The following STK32A variants were observed in gnomAD, a reference collection of about 807,000 sequenced individuals.
The protein encoded by STK32A is serine/threonine-protein kinase 32A.
STK32A carries 41 observed loss-of-function variants against 53.2 expected under a neutral mutation model. That is an observed-to-expected ratio of 0.77 (90% CI 0.60 to 1.00). The LOEUF is 1.00. Among genes scored for constraint, STK32A ranks in the 50% least tolerant of loss-of-function variants. STK32A has a pLI of 0.00. For synonymous variants in STK32A, 166 were observed against 162.8 expected (o/e 1.02, Z -0.15); for missense variants, 458 against 485.8 (o/e 0.94, Z 0.54).
intron 2 of STK32A, among the ~76,000 whole-genome samples, chr5:147,245,196 G>A (rs1023534278): frequency 6.6e-6 from 1 of 152,126 alleles, no homozygotes; most frequent in East Asian, 1.9e-4. Context: ...AACTAATTGG[G>A]ATGAAAATAA....
intron 2 of STK32A, among the ~76,000 whole-genome samples, chr5:147,261,084 G>T (rs1754546479): frequency 6.6e-6 from 1 of 152,034 alleles, no homozygotes; most frequent in South Asian, 2.1e-4. Context: ...CACTGGGTGG[G>T]TCTTGATTTC....
At chr5:147,301,800 G>A (rs1441662311) in intron 4 of STK32A, among the ~76,000 whole-genome samples, 2 of 152,116 alleles carry the variant, frequency 1.3e-5, no homozygotes, top group African/African-American at 4.8e-5. Context: ...AAATCAATGT[G>A]TCACCAGGGC....
At chr5:147,317,506 T>G (rs1229504734) in intron 4 of STK32A, among the ~76,000 whole-genome samples, 28 of 151,930 alleles carry the variant, frequency 1.8e-4, no homozygotes, top group Admixed American at 1.8e-3. Context: ...TTTTGTATTT[T>G]TAGTAGAGAC....
chr5:147,302,436 G>C (rs970163595), intron 4 of STK32A, among the ~76,000 whole-genome samples: 38 of 152,192 alleles, frequency 2.5e-4, no homozygotes, highest in African/African-American at 8.7e-4. Flanking sequence ...CAAAGTTCAG[G>C]GAAGTTTAAC....
chr5:147,255,119 G>T (rs1196950717), intron 2 of STK32A, among the ~76,000 whole-genome samples: 1 of 152,258 alleles, frequency 6.6e-6, no homozygotes, highest in Non-Finnish European at 1.5e-5. Flanking sequence ...CAGCCTGGGC[G>T]ACAGAGACTC....
downstream of STK32A, chr5:147,392,056 T>C (rs1757825772): frequency 6.6e-6 from 1 of 152,218 alleles, no homozygotes; most frequent in African/African-American, 2.4e-5. Context: ...TGGCTGTGGC[T>C]GGTACTGCAA....
intron 8 of STK32A, among the ~76,000 whole-genome samples, chr5:147,365,283 C>CACA: frequency 6.6e-6 from 1 of 152,276 alleles, no homozygotes; most frequent in South Asian, 2.1e-4. Flanking sequence ...GTATCTGTTT[C>CACA]ATTCACTCTG....
chr5:147,257,907 T>C (rs13190267), intron 2 of STK32A, among the ~76,000 whole-genome samples: 36,146 of 152,020 alleles, frequency 0.24, 4,707 homozygotes, highest in Admixed American at 0.33. Flanking sequence ...CAGTGGACTT[T>C]ATAGTCCTTG....
intron 11 of STK32A, among the ~76,000 whole-genome samples, chr5:147,380,550 G>C (rs1201013561): frequency 6.6e-6 from 1 of 152,098 alleles, no homozygotes; most frequent in African/African-American, 2.4e-5. Context: ...GTATTTTGTT[G>C]CAGAATTTTA....
intron 6 of STK32A, 36 bp from the exon 7 acceptor site, chr5:147,351,029 G>A: frequency 3.2e-6 from 5 of 1,581,802 alleles, no homozygotes; most frequent in Non-Finnish European, 4.3e-6. Flanking sequence ...GGTTGAATGG[G>A]ACTTAACTTT....
At chr5:147,276,266 C>T (rs943981457) in intron 2 of STK32A, among the ~76,000 whole-genome samples, 4 of 152,178 alleles carry the variant, frequency 2.6e-5, no homozygotes, top group African/African-American at 9.6e-5. Flanking sequence ...CATATCATGA[C>T]ATAGTAAATG....
At chr5:147,303,468 C>G (rs1753240098) in intron 4 of STK32A, among the ~76,000 whole-genome samples, 1 of 152,130 alleles carries the variant, frequency 6.6e-6, no homozygotes, top group Non-Finnish European at 1.5e-5. Flanking sequence ...ACTTTTTCAG[C>G]CTCTGCCACA....
intron 4 of STK32A, among the ~76,000 whole-genome samples, chr5:147,281,695 T>C (rs993800665): frequency 1.2e-4 from 18 of 152,050 alleles, no homozygotes; most frequent in Non-Finnish European, 1.3e-4. Context: ...GAGGGAATAA[T>C]TGAGGAAAAC....
intron 2 of STK32A, among the ~76,000 whole-genome samples, chr5:147,243,590 A>T (rs1273422989): frequency 1.3e-5 from 2 of 151,972 alleles, no homozygotes; most frequent in African/African-American, 4.8e-5. Context: ...ATACAAAAAA[A>T]ATTAGCTGGG....
At chr5:147,333,296 AT>A (rs1254725916) in intron 5 of STK32A, among the ~76,000 whole-genome samples, 1 of 152,202 alleles carries the variant, frequency 6.6e-6, no homozygotes, top group African/African-American at 2.4e-5. Flanking sequence ...GGCGTAACCC[AT>A]TGCAAGTTGG....
intron 6 of STK32A, among the ~76,000 whole-genome samples, chr5:147,344,325 T>C (rs935115567): frequency 6.6e-6 from 1 of 152,232 alleles, no homozygotes; most frequent in Non-Finnish European, 1.5e-5. Context: ...TCATTACTTA[T>C]TTATGGACTG....
chr5:147,289,199 A>G (rs369004402), intron 4 of STK32A, among the ~76,000 whole-genome samples: 2 of 152,282 alleles, frequency 1.3e-5, no homozygotes, highest in East Asian at 3.9e-4. Context: ...AATTAAACAA[A>G]CATCAAGACT....
chr5:147,340,273 A>G (rs907817424), intron 5 of STK32A, among the ~76,000 whole-genome samples: 1 of 152,174 alleles, frequency 6.6e-6, no homozygotes, highest in Non-Finnish European at 1.5e-5. Flanking sequence ...TATCTCACCT[A>G]TTCAAGATGG....
the STK32A span, chr5:147,395,461 C>T: frequency 6.9e-7 from 1 of 1,456,568 alleles, no homozygotes; most frequent in South Asian, 1.2e-5. Context: ...GGCTGGAAAA[C>T]TCCTTCAGGT....
Sources: allele counts gnomAD v4.1 joint callset (sites outside exome capture counted in the v4.1 genomes callset), GRCh38; gene constraint gnomAD v4.1.1; transcripts MANE v1.5; gene names NCBI Gene and HGNC (gene_info 2026-07-23, HGNC 2026-07-21).